The following ESR2 variants were observed in gnomAD, a reference collection of about 807,000 sequenced individuals.
The protein encoded by ESR2 is estrogen receptor beta.
A neutral mutation model predicts 49.6 loss-of-function variants in ESR2; 36 were observed. That is an observed-to-expected ratio of 0.73 (90% confidence interval 0.56 to 0.96). The LOEUF is 0.96. Ranked by LOEUF, ESR2 falls within the 40% of genes least tolerant of loss-of-function variation. ESR2 has a pLI of 0.00. For missense variants in ESR2, 714 were observed against 693.0 expected (o/e 1.03, Z -0.34); for synonymous variants, 320 against 266.1 (o/e 1.20, Z -1.97).
chr14:64,269,545 T>C (rs1443755071), intron 3 of ESR2, among the ~76,000 whole-genome samples: 3 of 152,204 alleles, frequency 2.0e-5, no homozygotes, highest in Non-Finnish European at 2.9e-5. Flanking sequence ...GGACTTTTTA[T>C]AGCCAATGAT....
chr14:64,244,861 T>A (rs2075815679), intron 7 of ESR2, among the ~76,000 whole-genome samples: 1 of 152,220 alleles, frequency 6.6e-6, no homozygotes, highest in South Asian at 2.1e-4. Flanking sequence ...TGGAGAAACC[T>A]AACACACCCA....
intron 1 of ESR2, among the ~76,000 whole-genome samples, chr14:64,302,124 C>G (rs2077026997): frequency 6.6e-6 from 1 of 151,988 alleles, no homozygotes; most frequent in South Asian, 2.1e-4. Flanking sequence ...TTCACAGGGT[C>G]ATAAGAGTCA....
rs34313437 is a variant in ESR2 at position 64,230,197 on chromosome 14, C to CAA, written c.*2938_*2939dup. On this transcript the variant is annotated 3_prime_UTR_variant, in exon 9 of 9. Coordinates refer to ENST00000341099, the MANE Select transcript of ESR2 (RefSeq NM_001437.3). ...GAGCAACAGGAGTCAGACCCTGTCT[C>CAA]AAAAAAAAAAAAAAAAAGGTGTCAA... 2.7e-5 allele frequency among the ~76,000 whole-genome samples: 3 copies of CAA among 110,336 alleles called. No individual in the cohort carries two copies. The highest frequency in any genetic ancestry group is 6.0e-4 in the South Asian group (2 of 3,320). The allele number at this position is 110,336 out of a possible 152,430, so 72.4% of individuals were successfully genotyped here.
rs144251834 is a variant in ESR2, at chr14:64,253,145, C to T, written c.1092-3466G>A. 6.1e-4 allele frequency among the ~76,000 whole-genome samples: 93 copies of T among 152,086 alleles called. No individual in the cohort carries two copies. In the East Asian group the frequency reaches 0.016, roughly 27 times the overall value. ...TGCTGGGACTACAGGTGTGAGCAACCGAGCCCGGCCAATAATCACTCTTTA... is the reference window on the plus strand; with the variant it reads ...TGCTGGGACTACAGGTGTGAGCAACTGAGCCCGGCCAATAATCACTCTTTA... On this transcript the variant is annotated intron_variant, in intron 6 of 8. Transcript: ENST00000341099.
intron 4 of ESR2, among the ~76,000 whole-genome samples, chr14:64,266,782 A>G (rs1297695970): frequency 2.0e-5 from 3 of 152,192 alleles, no homozygotes; most frequent in African/African-American, 7.2e-5. Flanking sequence ...TGAATTCAGG[A>G]TCTCCCAAGG....
At chr14:64,241,523 T>C (rs2075728715) in intron 7 of ESR2, among the ~76,000 whole-genome samples, 3 of 152,238 alleles carry the variant, frequency 2.0e-5, no homozygotes, top group African/African-American at 7.2e-5. Flanking sequence ...TTTGAATCTA[T>C]AGATTGAAAA....
chr14:64,277,929 C>A (rs1474770813), intron 3 of ESR2, among the ~76,000 whole-genome samples: 4 of 151,498 alleles, frequency 2.6e-5, no homozygotes, highest in Non-Finnish European at 5.9e-5. Flanking sequence ...TAGCTGTAGT[C>A]TCAGGGGTCA....
upstream of ESR2, among the ~76,000 whole-genome samples, chr14:64,296,611 CAG>C (rs1278873252): frequency 6.6e-6 from 1 of 152,166 alleles, no homozygotes; most frequent in East Asian, 1.9e-4. Context: ...TCCAATCAAT[CAG>C]AATGAAAATG....
Position 64,249,644 on chromosome 14 carries a change from A to G in ESR2, c.1127T>C (p.Ile376Thr). 1 of 1,613,948 alleles carries G rather than the reference A, an allele frequency of 6.2e-7. No individual in the cohort carries two copies. The highest frequency in any genetic ancestry group is 1.1e-5 in the South Asian group (1 of 91,054). Residue 376 changes from isoleucine (I) to threonine (T), a missense_variant, in exon 7 of 9, where the codon ATC becomes ACC. Physicochemically the swap from Ile to Thr is moderately conservative, Grantham distance 89. Transcript: ENST00000341099. Reference sequence around the variant, plus strand: ...AGTAGTTGCCAGGAGCATGTCAAAGATTTCCAGAATTCCTTCTACGCATTT... The same window carrying G: ...AGTAGTTGCCAGGAGCATGTCAAAGGTTTCCAGAATTCCTTCTACGCATTT... ...EGKCVEGILEIFDMLLATTSR... is the reference protein window; with the variant it reads ...EGKCVEGILETFDMLLATTSR...
In ESR2 at chr14:64,261,441, G is replaced by A. The variant is rs552342086; in HGVS notation, c.653-693C>T. On this transcript the variant is annotated intron_variant, in intron 4 of 8. Transcript: ENST00000341099. ...AAAATTATTTATTTATTTTTGAGAC[G>A]GAGTCTCACTCTGTCACCCAGGCTG... Among the ~76,000 whole-genome samples, 54 of 151,550 alleles carry A rather than the reference G, an allele frequency of 3.6e-4. 2 individuals carry two copies. The highest frequency in any genetic ancestry group is 3.4e-3 in the Middle Eastern group (1 of 294).
chr14:64,277,696 G>T (rs2076583762), intron 3 of ESR2, among the ~76,000 whole-genome samples: 1 of 149,610 alleles, frequency 6.7e-6, no homozygotes, highest in East Asian at 2.0e-4. Context: ...TGGCCTATTT[G>T]AGACAATTTT....
chr14:64,306,125 C>G (rs985510525), intron 1 of ESR2, among the ~76,000 whole-genome samples: 3 of 151,692 alleles, frequency 2.0e-5, no homozygotes, highest in African/African-American at 7.3e-5. Flanking sequence ...AGGAGAATCA[C>G]TTGAACCCGG....
At chr14:64,271,429 A>G (rs1184565277) in intron 3 of ESR2, among the ~76,000 whole-genome samples, 2 of 152,104 alleles carry the variant, frequency 1.3e-5, no homozygotes, top group Non-Finnish European at 2.9e-5. Flanking sequence ...GGGTTCAAGC[A>G]ATTCTCCTGC....
At chr14:64,227,372 T>TA (rs1227952969), downstream of ESR2, 20 of 729,806 alleles carry the variant, frequency 2.7e-5, no homozygotes, top group Non-Finnish European at 4.4e-5. Flanking sequence ...GTTGGATTGA[T>TA]AATAGAAAGG....
chr14:64,297,333 T>C (rs1240324643), upstream of ESR2, among the ~76,000 whole-genome samples: 3 of 152,156 alleles, frequency 2.0e-5, no homozygotes, highest in Non-Finnish European at 4.4e-5. Context: ...GCAAAGGAAG[T>C]CAATGTAGTA....
At chr14:64,239,187 A>G (rs1362806091) in intron 7 of ESR2, among the ~76,000 whole-genome samples, 1 of 152,120 alleles carries the variant, frequency 6.6e-6, no homozygotes, top group Non-Finnish European at 1.5e-5. Context: ...GGCAGATGGG[A>G]CTCAAAAGGT....
In ESR2 at chr14:64,229,763, A is replaced by G. The variant is rs561658370; in HGVS notation, c.*3374T>C. Among the ~76,000 whole-genome samples, 37 of 152,336 alleles carry G rather than the reference A, an allele frequency of 2.4e-4. No homozygotes were observed. Among genetic ancestry groups the G allele is most frequent in the African/African-American group, 8.2e-4 (34 of 41,562 alleles). ...ACCAGAAAATAAGGAAATAGCAGTT[A>G]TTATAATAAGGATTAAATGTGAATG... On this transcript the variant is annotated 3_prime_UTR_variant, in exon 9 of 9. Coordinates refer to ENST00000341099, the MANE Select transcript of ESR2 (RefSeq NM_001437.3).
chr14:64,266,972 C>T (rs1048870134), intron 4 of ESR2, among the ~76,000 whole-genome samples: 2 of 152,188 alleles, frequency 1.3e-5, no homozygotes, highest in Non-Finnish European at 2.9e-5. Flanking sequence ...GCTCCACCTC[C>T]CAGGTTCAAA....
chr14:64,305,986 G>A (rs914281938), intron 1 of ESR2, among the ~76,000 whole-genome samples: 5 of 152,142 alleles, frequency 3.3e-5, no homozygotes, highest in South Asian at 2.1e-4. Flanking sequence ...CGAGGCAGGC[G>A]GATCACAAGG....
Sources: allele counts gnomAD v4.1 joint callset (sites outside exome capture counted in the v4.1 genomes callset), GRCh38; gene constraint gnomAD v4.1.1; transcripts MANE v1.5; gene names NCBI Gene and HGNC (gene_info 2026-07-23, HGNC 2026-07-21).